Variants in ANO10 observed in about 807,000 individuals in gnomAD.
ANO10 encodes the protein anoctamin-10.
ANO10 carries 77 observed loss-of-function variants against 74.7 expected under a neutral mutation model. That is an observed-to-expected ratio of 1.03 (90% CI 0.86 to 1.25). The LOEUF is 1.25. Among genes scored for constraint, ANO10 ranks in the 50% most tolerant of loss-of-function variants. ANO10 has a pLI of 0.00. For synonymous variants in ANO10, 279 were observed against 284.9 expected (o/e 0.98, Z 0.21); for missense variants, 721 against 778.1 (o/e 0.93, Z 0.87).
At chr3:43,688,566 G>A (rs956248914) in intron 1 of ANO10, among the ~76,000 whole-genome samples, 3 of 152,166 alleles carry the variant, frequency 2.0e-5, no homozygotes, top group Non-Finnish European at 4.4e-5. Flanking sequence ...AATACAGCTG[G>A]GCGCGGTGGC....
chr3:43,619,977 G>C (rs2083305429), intron 1 of ANO10, among the ~76,000 whole-genome samples: 1 of 151,618 alleles, frequency 6.6e-6, no homozygotes, highest in South Asian at 2.1e-4. Context: ...ATTCACACAT[G>C]ACATGAGATT....
At chr3:43,587,113 A>T (rs570479991) in intron 4 of ANO10, among the ~76,000 whole-genome samples, 65 of 152,332 alleles carry the variant, frequency 4.3e-4, no homozygotes, top group Admixed American at 1.4e-3. Context: ...CCAAAAAAAA[A>T]TTTGATAAAA....
intron 1 of ANO10, among the ~76,000 whole-genome samples, chr3:43,630,045 G>A (rs1360840566): frequency 6.6e-6 from 1 of 152,108 alleles, no homozygotes; most frequent in Non-Finnish European, 1.5e-5. Context: ...AAGGAACTTG[G>A]GAAAGACTGG....
chr3:43,485,001 T>C (rs2076414110), intron 11 of ANO10: 2 of 1,460,504 alleles, frequency 1.4e-6, no homozygotes, highest in Non-Finnish European at 1.9e-6. Context: ...CTCTTGGTGG[T>C]GAGGCGTGGC....
chr3:43,373,723 A>T (rs963959466), intron 12 of ANO10, among the ~76,000 whole-genome samples: 2 of 152,200 alleles, frequency 1.3e-5, no homozygotes, highest in African/African-American at 4.8e-5. Flanking sequence ...CCGCTTCTGG[A>T]ACAGGAAGCT....
chr3:43,644,384 A>T (rs2083705647), intron 1 of ANO10, among the ~76,000 whole-genome samples: 2 of 152,158 alleles, frequency 1.3e-5, no homozygotes, highest in South Asian at 4.1e-4. Flanking sequence ...AAAGAAGCAA[A>T]CATGGGGGTG....
At chr3:43,423,426 A>G (rs1465301459) in intron 12 of ANO10, among the ~76,000 whole-genome samples, 1 of 152,212 alleles carries the variant, frequency 6.6e-6, no homozygotes, top group East Asian at 1.9e-4. Context: ...GGGACTCAGC[A>G]GTGAGTGAGT....
intron 11 of ANO10, among the ~76,000 whole-genome samples, chr3:43,508,791 T>C (rs778888485): frequency 2.0e-5 from 3 of 149,830 alleles, no homozygotes; most frequent in African/African-American, 4.9e-5. Context: ...CCGGGGCCTG[T>C]TGTGGGGTAG....
intron 1 of ANO10, chr3:43,638,558 T>C (rs1280298256): frequency 1.3e-5 from 2 of 152,200 alleles, no homozygotes. Flanking sequence ...GTTTAGTAAG[T>C]ATTTTTTAAA....
intron 11 of ANO10, among the ~76,000 whole-genome samples, chr3:43,462,763 G>A (rs1207863374): frequency 6.6e-6 from 1 of 152,160 alleles, no homozygotes; most frequent in Non-Finnish European, 1.5e-5. Flanking sequence ...GGCCTAGGAG[G>A]AAAAAGCGGT....
chr3:43,690,673 T>C (rs945166232), intron 1 of ANO10: 10 of 347,812 alleles, frequency 2.9e-5, no homozygotes, highest in African/African-American at 4.3e-5. Flanking sequence ...ATGAATACAG[T>C]CATTATTCAA....
intron 12 of ANO10, among the ~76,000 whole-genome samples, chr3:43,382,033 G>A (rs1373387542): frequency 2.6e-5 from 4 of 152,150 alleles, no homozygotes; most frequent in East Asian, 1.9e-4. Flanking sequence ...ATAGTGACAC[G>A]ACCTATCAAA....
intron 12 of ANO10, among the ~76,000 whole-genome samples, chr3:43,389,061 G>A (rs2092206968): frequency 6.6e-6 from 1 of 152,206 alleles, no homozygotes. Context: ...TCACAGATTA[G>A]GTTAAACTGT....
At chr3:43,605,311 C>T (rs1021355398) in intron 2 of ANO10, among the ~76,000 whole-genome samples, 23 of 152,162 alleles carry the variant, frequency 1.5e-4, no homozygotes, top group Non-Finnish European at 2.5e-4. Context: ...CTGATGGTAA[C>T]AACTTTGCAG....
intron 12 of ANO10, among the ~76,000 whole-genome samples, chr3:43,385,273 T>G (rs1363336492): frequency 1.3e-5 from 2 of 152,136 alleles, no homozygotes; most frequent in Admixed American, 6.5e-5. Flanking sequence ...AATGTTGGCA[T>G]GAATACAGTG....
Position 43,673,552 on chromosome 3 carries a change from G to A in ANO10, c.-12+17965C>T, listed in dbSNP as rs184229200. Among the ~76,000 whole-genome samples the A allele has an allele frequency of 2.4e-4, 36 of 152,230 alleles. No homozygotes were observed. The East Asian group carries it at 6.6e-3, about 28-fold the overall frequency. Reference sequence around the variant, plus strand: ...GACATTTTTCAACTTCAACATTTTGGAGGGCAATGCTTTTCCTGATTTATG... The same window carrying A: ...GACATTTTTCAACTTCAACATTTTGAAGGGCAATGCTTTTCCTGATTTATG... On this transcript the variant is annotated intron_variant, in intron 1 of 3. Coordinates refer to the ANO10 transcript ENST00000413397.
rs1267404809 is a variant in ANO10, at chr3:43,466,414, A to T, written c.1798-33687T>A. On this transcript the variant is annotated intron_variant, in intron 11 of 12. Transcript: ENST00000292246. ...AAACAAAAAAACCAGTAATCAACAC[A>T]TAAGAATATAGATATATAAATGGAA... Among the ~76,000 whole-genome samples, 4 of 151,428 alleles carry T rather than the reference A, an allele frequency of 2.6e-5. No individual in the cohort carries two copies. In the East Asian group the frequency reaches 5.8e-4, roughly 22 times the overall value.
intron 11 of ANO10, among the ~76,000 whole-genome samples, chr3:43,505,700 G>T (rs2149164056): frequency 6.6e-6 from 1 of 152,252 alleles, no homozygotes; most frequent in East Asian, 1.9e-4. Context: ...ACGAAGTCAA[G>T]AAATGAAAAA....
chr3:43,593,622 A>G (rs954779499), intron 4 of ANO10, among the ~76,000 whole-genome samples: 3 of 152,192 alleles, frequency 2.0e-5, no homozygotes, highest in African/African-American at 7.2e-5. Context: ...CTAAACATGG[A>G]TTGGAACAAC....
Sources: allele counts gnomAD v4.1 joint callset (sites outside exome capture counted in the v4.1 genomes callset), GRCh38; gene constraint gnomAD v4.1.1; transcripts MANE v1.5; gene names NCBI Gene and HGNC (gene_info 2026-07-23, HGNC 2026-07-21).